IL1RAPL2: variants seen among roughly 807,000 people sequenced by gnomAD.
IL1RAPL2 encodes X-linked interleukin-1 receptor accessory protein-like 2.
IL1RAPL2 carries 3 observed loss-of-function variants against 44.1 expected under a neutral mutation model. The ratio of observed to expected loss-of-function variants is 0.07; its 90% CI spans 0.03 to 0.18. The LOEUF (loss-of-function observed/expected upper bound fraction) is 0.18. IL1RAPL2 is among the 10% of genes least tolerant of loss of function. The pLI, the probability that IL1RAPL2 is intolerant of heterozygous loss-of-function variation, is 1.00. For synonymous variants in IL1RAPL2, 181 were observed against 178.8 expected (o/e 1.01, Z -0.10); for missense variants, 391 against 496.4 (o/e 0.79, Z 2.02).
intron 3 of IL1RAPL2, among the ~76,000 whole-genome samples, chrX:105,216,131 A>T (rs1229564431): frequency 9.0e-6 from 1 of 111,378 alleles, no homozygotes; most frequent in Non-Finnish European, 1.9e-5. Context: ...AAGAGAAAGA[A>T]ATGAAGCGCA....
intron 5 of IL1RAPL2, among the ~76,000 whole-genome samples, chrX:105,324,707 A>G (rs1472584628): frequency 8.9e-6 from 1 of 112,395 alleles, no homozygotes; most frequent in Non-Finnish European, 1.9e-5. Context: ...TACTGCTAGT[A>G]AGTAACAAAG....
At chrX:105,494,947 T>C (rs1245548791) in intron 6 of IL1RAPL2, among the ~76,000 whole-genome samples, 1 of 112,037 alleles carries the variant, frequency 8.9e-6, no homozygotes, top group African/African-American at 3.2e-5. Context: ...AGTAGTAACT[T>C]GGAGTTTGGA....
At chrX:105,272,906 G>C (rs759069836) in intron 5 of IL1RAPL2, among the ~76,000 whole-genome samples, 1 of 111,970 alleles carries the variant, frequency 8.9e-6, no homozygotes, top group South Asian at 3.7e-4. Context: ...TCACATTCAG[G>C]CTGGAAAACA....
At chrX:104,753,541 T>C (rs1932297096) in intron 2 of IL1RAPL2, among the ~76,000 whole-genome samples, 1 of 111,765 alleles carries the variant, frequency 8.9e-6, no homozygotes, top group Admixed American at 9.5e-5. Context: ...ACTTATGTAC[T>C]AAAAATCAGA....
chrX:104,693,925 C>T (rs1931136791), intron 2 of IL1RAPL2, among the ~76,000 whole-genome samples: 3 of 111,602 alleles, frequency 2.7e-5, no homozygotes. Flanking sequence ...ACCGTAATAG[C>T]TCATAATGAC....
intron 2 of IL1RAPL2, among the ~76,000 whole-genome samples, chrX:105,145,851 G>C (rs915535721): frequency 3.6e-5 from 4 of 111,516 alleles, no homozygotes; most frequent in Non-Finnish European, 7.5e-5. Context: ...TTGAACGTTT[G>C]TGTCCCCTCC....
intron 5 of IL1RAPL2, among the ~76,000 whole-genome samples, chrX:105,391,329 A>G (rs943849125): frequency 1.1e-4 from 12 of 111,253 alleles, no homozygotes; most frequent in Non-Finnish European, 1.9e-4. Flanking sequence ...AAAGATTAGC[A>G]AGATAAAGAT....
chrX:105,077,183 G>A (rs532212001), intron 2 of IL1RAPL2, among the ~76,000 whole-genome samples: 87 of 111,608 alleles, frequency 7.8e-4, no homozygotes, highest in South Asian at 2.3e-3. Context: ...AGCTGGTACC[G>A]GTTGTTCCTT....
rs961399896 is a variant in IL1RAPL2, at chrX:104,738,883, C to T, written c.82+79888C>T. ...TCAGCCCTGGAGTTTGAGGCTGCAGCGAGCTATTATTGCACCACTGCATTC... is the reference window on the plus strand; with the variant it reads ...TCAGCCCTGGAGTTTGAGGCTGCAGTGAGCTATTATTGCACCACTGCATTC... On this transcript the variant is annotated intron_variant, in intron 2 of 10. Coordinates refer to ENST00000372582, the MANE Select transcript of IL1RAPL2 (RefSeq NM_017416.2). Among the ~76,000 whole-genome samples, 70 of 112,072 alleles carry T rather than the reference C, an allele frequency of 6.2e-4. 1 individual carries two copies. The highest frequency in any genetic ancestry group is 2.8e-4 in the Non-Finnish European group (15 of 53,149).
chrX:105,622,001 G>A (rs1030131662), intron 6 of IL1RAPL2, among the ~76,000 whole-genome samples: 2 of 109,830 alleles, frequency 1.8e-5, no homozygotes, highest in Non-Finnish European at 3.8e-5. Flanking sequence ...CGATGGTTCA[G>A]TTCAGTGGCA....
At chrX:105,344,493 A>G (rs1362860286) in intron 5 of IL1RAPL2, among the ~76,000 whole-genome samples, 1 of 111,786 alleles carries the variant, frequency 8.9e-6, no homozygotes, top group Non-Finnish European at 1.9e-5. Context: ...TGTCTGGTAT[A>G]TAATAAACAC....
At chrX:104,588,614 GC>G (rs1928608464) in intron 1 of IL1RAPL2, among the ~76,000 whole-genome samples, 1 of 111,615 alleles carries the variant, frequency 9.0e-6, no homozygotes. Flanking sequence ...ATTAACTCTT[GC>G]TTTTAAAGGA....
chrX:105,158,278 AAACC>A (rs1160407052), intron 2 of IL1RAPL2, among the ~76,000 whole-genome samples: 1 of 111,616 alleles, frequency 9.0e-6, no homozygotes, highest in Non-Finnish European at 1.9e-5. Flanking sequence ...AATGGCGGGT[AAACC>A]CAGGAGGCGG....
intron 2 of IL1RAPL2, among the ~76,000 whole-genome samples, chrX:104,783,245 G>A (rs767504012): frequency 3.6e-5 from 4 of 111,650 alleles, no homozygotes; most frequent in Non-Finnish European, 7.5e-5. Context: ...AGAGGTGGTA[G>A]ACTTGACAAG....
chrX:105,592,883 G>A (rs928527499), intron 6 of IL1RAPL2, among the ~76,000 whole-genome samples: 10 of 111,535 alleles, frequency 9.0e-5, no homozygotes, highest in Admixed American at 3.8e-4. Flanking sequence ...TGTTGACCTT[G>A]GAGAATCTGA....
chrX:105,148,819 T>C (rs969375952), intron 2 of IL1RAPL2, among the ~76,000 whole-genome samples: 1 of 111,531 alleles, frequency 9.0e-6, no homozygotes, highest in African/African-American at 3.3e-5. Flanking sequence ...TCATGACAGC[T>C]CTTTTATAAG....
intron 5 of IL1RAPL2, among the ~76,000 whole-genome samples, chrX:105,274,247 G>A (rs944623404): frequency 7.2e-5 from 8 of 111,801 alleles, no homozygotes; most frequent in African/African-American, 1.3e-4. Flanking sequence ...AGTTAAGATC[G>A]TTAGGAGTAG....
chrX:105,764,274 C>G (rs1393844668), intron 10 of IL1RAPL2, among the ~76,000 whole-genome samples: 1 of 111,339 alleles, frequency 9.0e-6, no homozygotes, highest in Non-Finnish European at 1.9e-5. Flanking sequence ...CCCCAAGAAC[C>G]CTAAATATTG....
chrX:104,777,541 AATTATTATTATT>A (rs376271609), intron 2 of IL1RAPL2, among the ~76,000 whole-genome samples: 1,689 of 85,284 alleles, frequency 0.02, 50 homozygotes, highest in Admixed American at 0.086. Context: ...CTCTGCTTTC[AATTATTATTATT>A]ATTATTATTA....
Sources: gnomAD v4.1 joint callset for allele counts (sites outside exome capture counted in the v4.1 genomes callset) on GRCh38, gnomAD v4.1.1 for gene constraint, MANE v1.5 for transcripts, NCBI Gene and HGNC (gene_info 2026-07-23, HGNC 2026-07-21) for gene names.